Variants in PTPN11 observed in about 807,000 individuals in gnomAD.
PTPN11 encodes protein tyrosine phosphatase non-receptor type 11.
A neutral mutation model predicts 78.8 loss-of-function variants in PTPN11; 6 were observed. The observed-to-expected ratio is 0.08, with a 90% CI of 0.04 to 0.15. The LOEUF is 0.15. PTPN11 is among the 10% of genes least tolerant of loss of function. The probability of loss-of-function intolerance (pLI) is 1.00; values close to 1 mark genes in which losing one functional copy is unlikely to be tolerated. For missense variants in PTPN11, 386 were observed against 744.8 expected (o/e 0.52, Z 5.61); for synonymous variants, 221 against 263.5 (o/e 0.84, Z 1.56).
rs937301810 is a variant in PTPN11, at chr12:112,493,278, C to T, written c.1599+4103C>T. Among the ~76,000 whole-genome samples the T allele has an allele frequency of 1.1e-4, 17 of 152,074 alleles. 2 individuals are homozygous for T. The South Asian group carries it at 3.3e-3, about 30-fold the overall frequency. Reference sequence around the variant, plus strand: ...TTCACTACGTTGGCCAGGCTGGTCTCGAACTCCTGACCTCAAATGATCCTC... The same window carrying T: ...TTCACTACGTTGGCCAGGCTGGTCTTGAACTCCTGACCTCAAATGATCCTC... On this transcript the variant is annotated intron_variant, in intron 13 of 15. Transcript: ENST00000351677.
intron 10 of PTPN11, among the ~76,000 whole-genome samples, chr12:112,484,775 A>C (rs183795261): frequency 8.8e-4 from 134 of 152,268 alleles, no homozygotes; most frequent in Non-Finnish European, 1.5e-3. Flanking sequence ...TAATCCCAGC[A>C]TATTGGGAGG....
chr12:112,438,339 T>C (rs1386025621), intron 1 of PTPN11, among the ~76,000 whole-genome samples: 1 of 152,146 alleles, frequency 6.6e-6, no homozygotes, highest in Non-Finnish European at 1.5e-5. Flanking sequence ...GTGTGTTTCT[T>C]AGAGACAGGG....
intron 6 of PTPN11, among the ~76,000 whole-genome samples, chr12:112,463,086 T>C (rs2038273344): frequency 6.6e-6 from 1 of 152,210 alleles, no homozygotes; most frequent in African/African-American, 2.4e-5. Flanking sequence ...TAGTGAGCTA[T>C]TTTGTAATCT....
Position 112,504,515 on chromosome 12 carries a change from A to G in PTPN11, c.1713-180A>G, listed in dbSNP as rs1380125987. On this transcript the variant is annotated intron_variant, in intron 14 of 15. Transcript: ENST00000351677. The surrounding 1 kb of genome is among the most constrained non-coding windows in gnomAD (Gnocchi z 4.7). Reference sequence around the variant, plus strand: ...GCGTTATTTCACTTCTGCCTCTGTAATTATATTGCTGTATGGCTATCTCTT... The same window carrying G: ...GCGTTATTTCACTTCTGCCTCTGTAGTTATATTGCTGTATGGCTATCTCTT... Among the ~76,000 whole-genome samples, 2 of 152,140 alleles carry G rather than the reference A, an allele frequency of 1.3e-5. No homozygotes were observed. The highest frequency in any genetic ancestry group is 4.8e-5 in the African/African-American group (2 of 41,434).
In PTPN11 at chr12:112,486,345, GA is replaced by G. The variant is rs2038675272; in HGVS notation, c.1225-129del. The G allele has an allele frequency of 1.8e-5, 17 of 966,214 alleles. No individual in the cohort carries two copies. The African/African-American group carries it at 2.7e-4, about 16-fold the overall frequency. The allele number at this position is 966,214 out of a possible 1,614,324, so 59.9% of individuals were successfully genotyped here. ...AGACGAGTTCTGGGAACCTCACGAAGAGGACCTTTCAGTGGAACCTGGGGAG... is the reference window on the plus strand; with the variant it reads ...AGACGAGTTCTGGGAACCTCACGAAGGGACCTTTCAGTGGAACCTGGGGAG... On this transcript the variant is annotated intron_variant, in intron 10 of 15. Transcript: ENST00000351677.
rs141439718 is a variant in PTPN11, at chr12:112,437,381, G to A, written c.15-8895G>A. Among the ~76,000 whole-genome samples, 1,469 of 151,710 alleles carry A rather than the reference G, an allele frequency of 9.7e-3. 23 individuals are homozygous for A. Among genetic ancestry groups the A allele is most frequent in the African/African-American group, 0.034 (1,398 of 41,358 alleles). On this transcript the variant is annotated intron_variant, in intron 1 of 15. Coordinates refer to ENST00000351677, the MANE Select transcript of PTPN11 (RefSeq NM_002834.5). ...TTTTGCTGTTGGCCAGGCTGGTCTC[G>A]AACTCCTGACCTTAAGTGATCCACC... is the stretch of plus-strand genomic sequence containing the variant.
chr12:112,488,575 C>T (rs2038708005), intron 12 of PTPN11, 65 bp downstream of exon 12: 12 of 1,473,280 alleles, frequency 8.1e-6, no homozygotes, highest in Admixed American at 5.0e-5. Context: ...AAAGTGCTCA[C>T]GAAAACAGTC....
At chr12:112,455,880 T>A in intron 5 of PTPN11, 70 bp from the exon 6 acceptor site, 1 of 883,270 alleles carries the variant, frequency 1.1e-6, no homozygotes. Flanking sequence ...TGTTTTTTTT[T>A]TTTTTTTTGC....
intron 13 of PTPN11, among the ~76,000 whole-genome samples, chr12:112,496,413 T>C (rs1193943000): frequency 6.6e-6 from 1 of 152,164 alleles, no homozygotes; most frequent in Non-Finnish European, 1.5e-5. Context: ...CCAATCTGGG[T>C]GTTGGGTGTG....
intron 5 of PTPN11, among the ~76,000 whole-genome samples, chr12:112,455,211 G>C (rs561364774): frequency 6.8e-6 from 1 of 146,236 alleles, no homozygotes; most frequent in East Asian, 2.0e-4. Flanking sequence ...ATATTTATCT[G>C]TAAAAGGCAT....
chr12:112,478,935 G>C (rs1854963623), intron 9 of PTPN11, among the ~76,000 whole-genome samples: 1 of 152,126 alleles, frequency 6.6e-6, no homozygotes, highest in African/African-American at 2.4e-5. Context: ...GTTTTGCCAT[G>C]TTGGCCAGGC....
In PTPN11 at chr12:112,442,830, T is replaced by TTATATATATATA. The variant is rs71086107; in HGVS notation, c.15-3409_15-3398dup. 2.0e-3 allele frequency among the ~76,000 whole-genome samples: 87 copies of TTATATATATATA among 43,510 alleles called. 1 individual carries two copies. Among genetic ancestry groups the TTATATATATATA allele is most frequent in the Non-Finnish European group, 3.3e-3 (56 of 16,736 alleles). The allele number at this position is 43,510 out of a possible 152,430, so 28.5% of individuals were successfully genotyped here. A position where few individuals can be genotyped will look rare whatever the true frequency, so the allele number is the denominator to read the frequency against. The stretch of plus-strand genomic sequence containing the variant: ...CTCTCTCCTCTCTCTCTCTCTCTTT[T>TTATATATATATA]TATATATATATATATATATATATAT... On this transcript the variant is annotated intron_variant, in intron 1 of 15. Coordinates refer to ENST00000351677, the MANE Select transcript of PTPN11 (RefSeq NM_002834.5).
intron 9 of PTPN11, among the ~76,000 whole-genome samples, chr12:112,480,811 C>A (rs1382783546): frequency 6.6e-6 from 1 of 152,166 alleles, no homozygotes; most frequent in East Asian, 1.9e-4. Context: ...TCCTAAGATA[C>A]AAGGTAAATT....
rs1592854415 is a variant in PTPN11 at position 112,488,985 on chromosome 12, T to C, written c.1448-39T>C. 3.1e-6 allele frequency: 5 copies of C among 1,611,670 alleles called. No homozygotes were observed. The East Asian group carries it at 8.9e-5, about 29-fold the overall frequency. On this transcript the variant is annotated intron_variant, in intron 12 of 15. Transcript: ENST00000351677. ...GCATTAAACAACTTCATCCTGGCTC[T>C]GCAGTTTCTCTTTATTCTTCATGAT... is the stretch of plus-strand genomic sequence containing the variant.
At chr12:112,496,546 A>C (rs1337153771) in intron 13 of PTPN11, among the ~76,000 whole-genome samples, 1 of 152,110 alleles carries the variant, frequency 6.6e-6, no homozygotes, top group Non-Finnish European at 1.5e-5. Flanking sequence ...CTGGCCATCT[A>C]TATATATATT....
chr12:112,478,087 G>A (rs1470845230), intron 9 of PTPN11, 72 bp downstream of exon 9: 24 of 1,538,686 alleles, frequency 1.6e-5, no homozygotes, highest in Non-Finnish European at 2.1e-5. Flanking sequence ...GCCATGTTTA[G>A]GAATTGAATA....
intron 2 of PTPN11, among the ~76,000 whole-genome samples, chr12:112,448,559 T>G (rs1472129243): frequency 1.3e-5 from 2 of 152,176 alleles, no homozygotes; most frequent in Admixed American, 1.3e-4. Context: ...ATATTTTTAT[T>G]ACTATTTTCC....
chr12:112,499,086 C>T (rs1169607685), intron 13 of PTPN11, among the ~76,000 whole-genome samples: 1 of 151,858 alleles, frequency 6.6e-6, no homozygotes, highest in Non-Finnish European at 1.5e-5. Flanking sequence ...TATAGAGTTT[C>T]AGTAATACAA....
chr12:112,424,996 GTGTGTGTGTGTGTA>G (rs1414478452), intron 1 of PTPN11, among the ~76,000 whole-genome samples: 7 of 143,774 alleles, frequency 4.9e-5, no homozygotes, highest in African/African-American at 2.0e-4. Flanking sequence ...GTGTGTGTGT[GTGTGTGTGTGTGTA>G]TGTAGAGATG....
Sources: gnomAD v4.1 joint callset for allele counts (sites outside exome capture counted in the v4.1 genomes callset) on GRCh38, gnomAD v4.1.1 for gene constraint, Gnocchi (gnomAD v3.1) non-coding constraint, MANE v1.5 for transcripts, NCBI Gene and HGNC (gene_info 2026-07-23, HGNC 2026-07-21) for gene names.